The following ITPR2 variants were observed in gnomAD, a reference collection of about 807,000 sequenced individuals.
The protein encoded by ITPR2 is inositol 1,4,5-trisphosphate-gated calcium channel ITPR2.
In ITPR2, 207 loss-of-function variants were observed where a neutral mutation model predicts 317.1. That is an observed-to-expected ratio of 0.65 (90% CI 0.58 to 0.73). The LOEUF is 0.73. Ranked by LOEUF, ITPR2 falls within the 30% of genes least tolerant of loss-of-function variation. ITPR2 has a pLI of 0.00. For synonymous variants in ITPR2, 1,156 were observed against 1,149.1 expected (o/e 1.01, Z -0.12); for missense variants, 2,613 against 3,284.0 (o/e 0.80, Z 4.99).
intron 52 of ITPR2, among the ~76,000 whole-genome samples, chr12:26,409,923 T>G (rs1940486562): frequency 6.6e-6 from 1 of 152,174 alleles, no homozygotes; most frequent in South Asian, 2.1e-4. Flanking sequence ...GGGCTTCTAT[T>G]TGAAATCCCA....
intron 23 of ITPR2, 61 bp from the exon 24 acceptor site, chr12:26,624,417 C>CACATCAATTG: frequency 8.9e-7 from 1 of 1,128,838 alleles, no homozygotes. Flanking sequence ...CCATAATAGT[C>CACATCAATTG]ATATTAATAT....
chr12:26,441,384 C>A (rs556697747), intron 46 of ITPR2, among the ~76,000 whole-genome samples: 2 of 152,150 alleles, frequency 1.3e-5, no homozygotes. Context: ...ATGTTCAAGG[C>A]ACAGGGTTCA....
chr12:26,562,205 T>C (rs1944837473), intron 34 of ITPR2, among the ~76,000 whole-genome samples: 1 of 152,224 alleles, frequency 6.6e-6, no homozygotes, highest in African/African-American at 2.4e-5. Context: ...ATGTACTTTA[T>C]ACAGCATCAA....
At chr12:26,441,336 A>T (rs922662684) in intron 46 of ITPR2, among the ~76,000 whole-genome samples, 1 of 152,144 alleles carries the variant, frequency 6.6e-6, no homozygotes, top group Non-Finnish European at 1.5e-5. Context: ...TAACTTGCAG[A>T]CAAACTATTA....
At chr12:26,508,369 C>T in intron 37 of ITPR2, among the ~76,000 whole-genome samples, 1 of 152,096 alleles carries the variant, frequency 6.6e-6, no homozygotes, top group East Asian at 1.9e-4. Context: ...TAGTTAAAGT[C>T]AAGTAAGATG....
chr12:26,387,627 T>C (rs1939703603), intron 54 of ITPR2, 33 bp from the exon 55 acceptor site: 1 of 1,598,152 alleles, frequency 6.3e-7, no homozygotes, highest in Non-Finnish European at 8.6e-7. Context: ...TATATGTAAT[T>C]CGTCATTTAA....
chr12:26,596,343 T>C (rs75537902), intron 31 of ITPR2, among the ~76,000 whole-genome samples: 9,716 of 152,304 alleles, frequency 0.064, 428 homozygotes, highest in Middle Eastern at 0.14. Flanking sequence ...GCAGTGGCTA[T>C]AGTTCTTAAA....
chr12:26,728,218 G>C (rs577113371), intron 2 of ITPR2, among the ~76,000 whole-genome samples: 2 of 152,166 alleles, frequency 1.3e-5, no homozygotes, highest in African/African-American at 4.8e-5. Context: ...AGTAGGGATG[G>C]AACTGGGGCC....
chr12:26,722,984 C>T (rs1358123634), intron 4 of ITPR2, among the ~76,000 whole-genome samples: 2 of 152,146 alleles, frequency 1.3e-5, no homozygotes, highest in African/African-American at 2.4e-5. Flanking sequence ...TATTAACCAG[C>T]CCTGCCCACA....
intron 50 of ITPR2, among the ~76,000 whole-genome samples, chr12:26,417,054 T>C (rs1431453066): frequency 6.6e-6 from 1 of 152,160 alleles, no homozygotes; most frequent in Non-Finnish European, 1.5e-5. Context: ...AAATCTAGAG[T>C]GTGGTTTTTA....
intron 34 of ITPR2, among the ~76,000 whole-genome samples, chr12:26,566,121 G>GGTAA: frequency 7.7e-6 from 1 of 129,148 alleles, no homozygotes; most frequent in Non-Finnish European, 1.6e-5. Context: ...GAGAAGGAGA[G>GGTAA]GAGGAGAGGG....
At chr12:26,565,499 T>C (rs946479202) in intron 34 of ITPR2, among the ~76,000 whole-genome samples, 2 of 117,372 alleles carry the variant, frequency 1.7e-5, no homozygotes, top group East Asian at 2.1e-4. Flanking sequence ...GATAGATAGA[T>C]AGATAGATAG....
chr12:26,402,675 A>T (rs929332552), intron 52 of ITPR2, among the ~76,000 whole-genome samples: 7 of 152,210 alleles, frequency 4.6e-5, no homozygotes, highest in African/African-American at 1.7e-4. Context: ...ATCAGTACAC[A>T]TGCATGCTGA....
At position 26,338,834 on chromosome 12, in the gene ITPR2, G is replaced by A. The variant is rs1938008912; in HGVS notation, c.*563C>T. ...GTTCCTAGAGCTGTAAATCCATTGTGCTTCATGTTATAAATAAAGAAATTG... is the reference window on the plus strand; with the variant it reads ...GTTCCTAGAGCTGTAAATCCATTGTACTTCATGTTATAAATAAAGAAATTG... On this transcript the variant is annotated 3_prime_UTR_variant, in exon 57 of 57. Coordinates refer to ENST00000381340, the MANE Select transcript of ITPR2 (RefSeq NM_002223.4). The A allele has an allele frequency of 6.6e-6, 1 of 152,368 alleles. No homozygotes were observed. The highest frequency in any genetic ancestry group is 2.1e-4 in the South Asian group (1 of 4,840). The allele number at this position is 152,368 out of a possible 1,614,324, so 9.4% of individuals were successfully genotyped here.
chr12:26,662,118 A>G (rs894015331), intron 15 of ITPR2, among the ~76,000 whole-genome samples: 1 of 152,114 alleles, frequency 6.6e-6, no homozygotes, highest in African/African-American at 2.4e-5. Flanking sequence ...GTTTTTATAT[A>G]CTCTTTTCAG....
intron 2 of ITPR2, among the ~76,000 whole-genome samples, chr12:26,789,630 C>T (rs1950310832): frequency 6.6e-6 from 1 of 152,222 alleles, no homozygotes; most frequent in Admixed American, 6.5e-5. Context: ...GAGTTATAAT[C>T]AATCTCTTAC....
At chr12:26,781,990 C>T (rs1177616437) in intron 2 of ITPR2, among the ~76,000 whole-genome samples, 1 of 60,318 alleles carries the variant, frequency 1.7e-5, no homozygotes, top group African/African-American at 6.7e-5. Context: ...ATAAACTCCC[C>T]TGTATATATA....
intron 2 of ITPR2, among the ~76,000 whole-genome samples, chr12:26,746,792 C>G (rs2137094762): frequency 6.6e-6 from 1 of 151,400 alleles, no homozygotes; most frequent in East Asian, 2.0e-4. Context: ...TTCCAAAGAG[C>G]ACAAGTGTTC....
At chr12:26,452,350 T>C (rs372499617) in intron 45 of ITPR2, among the ~76,000 whole-genome samples, 23 of 146,164 alleles carry the variant, frequency 1.6e-4, no homozygotes, top group African/African-American at 4.6e-4. Context: ...GTAGATACTC[T>C]TAATAACAGT....
Sources: allele counts gnomAD v4.1 joint callset (sites outside exome capture counted in the v4.1 genomes callset), GRCh38; gene constraint gnomAD v4.1.1; transcripts MANE v1.5; gene names NCBI Gene and HGNC (gene_info 2026-07-23, HGNC 2026-07-21).